The following ZNF516 variants were observed in gnomAD, a reference collection of about 807,000 sequenced individuals.
ZNF516 encodes zinc finger protein 516.
Under a neutral mutation model 79.7 loss-of-function variants are expected in ZNF516, and 19 were observed. The ratio of observed to expected loss-of-function variants is 0.24; its 90% CI spans 0.17 to 0.35. The LOEUF is 0.35. ZNF516 is among the 10% of genes least tolerant of loss of function. ZNF516 has a pLI of 1.00. For synonymous variants in ZNF516, 877 were observed against 739.5 expected (o/e 1.19, Z -3.02); for missense variants, 1,678 against 1,679.5 (o/e 1.00, Z 0.02).
At chr18:76,484,378 TG>T (rs1914707598) in intron 1 of ZNF516, among the ~76,000 whole-genome samples, 1 of 152,082 alleles carries the variant, frequency 6.6e-6, no homozygotes, top group South Asian at 2.1e-4. Context: ...ATACAAATAA[TG>T]TAAGTTTACA....
rs142342730 is a variant in ZNF516, at chr18:76,468,774, C to T, written c.-271-5633G>A. Among the ~76,000 whole-genome samples the T allele has an allele frequency of 7.4e-4, 113 of 152,122 alleles. 2 individuals are homozygous for T. The East Asian group carries it at 0.01, about 14-fold the overall frequency. On this transcript the variant is annotated intron_variant, in intron 1 of 6. Transcript: ENST00000443185. ...ACAGTTCCTCTTCTTCCAATGTGGC[C>T]GAGGGAAGCCAAAAAATTGACACCC...
In ZNF516 at chr18:76,379,457, C is replaced by T. The variant is rs768938570; in HGVS notation, c.2657G>A (p.Arg886Gln). 36 of 1,613,338 alleles carry T rather than the reference C, an allele frequency of 2.2e-5. No individual in the cohort carries two copies. Among genetic ancestry groups the T allele is most frequent in the South Asian group, 1.1e-4 (10 of 91,082 alleles). The change falls in exon 4 of 7, where the codon CGA becomes CAA. Residue 886 changes from arginine (R) to glutamine (Q), a missense_variant. Transcript: ENST00000443185. ...CTGGCCGTGACAAGGTTTGGTCTGT[C>T]GATACCCGTCAGGGCCGGGCGCCCA... ...ALWAPGPDGY[R>Q]QTKPCHGQEP...
At chr18:76,491,451 G>T (rs1449623790) in intron 1 of ZNF516, among the ~76,000 whole-genome samples, 1 of 123,102 alleles carries the variant, frequency 8.1e-6, no homozygotes, top group African/African-American at 3.0e-5. Flanking sequence ...ACAGACCCCC[G>T]CCTTTGTTAT....
intron 3 of ZNF516, among the ~76,000 whole-genome samples, chr18:76,404,463 T>C (rs1177964768): frequency 2.6e-5 from 4 of 151,152 alleles, no homozygotes; most frequent in South Asian, 2.1e-4. Context: ...GTGAGCAAGT[T>C]TGTGTTTGTG....
chr18:76,419,979 G>A (rs2075484996), intron 3 of ZNF516, among the ~76,000 whole-genome samples: 1 of 152,262 alleles, frequency 6.6e-6, no homozygotes, highest in Non-Finnish European at 1.5e-5. Flanking sequence ...GCGAGAGGCA[G>A]CCCTGGTATT....
At chr18:76,468,340 C>T (rs1015075272) in intron 1 of ZNF516, among the ~76,000 whole-genome samples, 5 of 151,978 alleles carry the variant, frequency 3.3e-5, no homozygotes, top group African/African-American at 1.2e-4. Flanking sequence ...CAGCCCAACA[C>T]AAATTCATAA....
At chr18:76,488,615 G>C (rs1914975728) in intron 1 of ZNF516, among the ~76,000 whole-genome samples, 1 of 152,162 alleles carries the variant, frequency 6.6e-6, no homozygotes, top group Non-Finnish European at 1.5e-5. Flanking sequence ...GCACTAAAAT[G>C]TATAAACATT....
At chr18:76,374,038 G>A (rs1305441133) in intron 4 of ZNF516, among the ~76,000 whole-genome samples, 2 of 152,204 alleles carry the variant, frequency 1.3e-5, no homozygotes, top group Admixed American at 6.5e-5. Context: ...GCTACGTTGC[G>A]TGTCATTATG....
At chr18:76,489,727 TCAA>T (rs889680708) in intron 1 of ZNF516, among the ~76,000 whole-genome samples, 1 of 152,184 alleles carries the variant, frequency 6.6e-6, no homozygotes, top group African/African-American at 2.4e-5. Flanking sequence ...TCTCAGGGTG[TCAA>T]CAATTCATAG....
rs967103400 is a variant in ZNF516 at position 76,403,369 on chromosome 18, C to T, written c.1811-23066G>A. Among the ~76,000 whole-genome samples the T allele has an allele frequency of 2.6e-5, 4 of 152,192 alleles. No individual in the cohort carries two copies. The South Asian group carries it at 6.2e-4, about 24-fold the overall frequency. On this transcript the variant is annotated intron_variant, in intron 3 of 6. Coordinates refer to ENST00000443185, the MANE Select transcript of ZNF516 (RefSeq NM_014643.4). ...ACGCACACCAACACAGGTACACATACAAAGCACAAGCATGTGGTCATGCAT... is the reference window on the plus strand; with the variant it reads ...ACGCACACCAACACAGGTACACATATAAAGCACAAGCATGTGGTCATGCAT...
At chr18:76,440,817 A>C (rs556453047) in intron 3 of ZNF516, among the ~76,000 whole-genome samples, 156 of 152,160 alleles carry the variant, frequency 1.0e-3, no homozygotes, top group African/African-American at 3.6e-3. Flanking sequence ...CAGAAAAAGA[A>C]GGGGGTGAAT....
At chr18:76,444,017 C>A (rs1275424638) in intron 2 of ZNF516, among the ~76,000 whole-genome samples, 2 of 152,208 alleles carry the variant, frequency 1.3e-5, no homozygotes, top group African/African-American at 4.8e-5. Flanking sequence ...TAGCTGTGTC[C>A]AGCACGGAAC....
At chr18:76,480,307 T>A (rs1345344706) in intron 1 of ZNF516, among the ~76,000 whole-genome samples, 7 of 152,258 alleles carry the variant, frequency 4.6e-5, no homozygotes, top group Non-Finnish European at 8.8e-5. Context: ...TACCTCTCGA[T>A]GTGATCACTA....
chr18:76,482,291 G>A lies in ZNF516; in HGVS notation c.-272+12853C>T, dbSNP rs980697083. 1.9e-4 allele frequency among the ~76,000 whole-genome samples: 29 copies of A among 152,116 alleles called. 1 individual carries two copies. The highest frequency in any genetic ancestry group is 1.4e-3 in the Admixed American group (21 of 15,274). ...ATGTGATCCAGCTTTTCCCTTCATC[G>A]CGACCTATTATTCCATTGCCCGTTC... On this transcript the variant is annotated intron_variant, in intron 1 of 6. Transcript: ENST00000443185.
intron 3 of ZNF516, among the ~76,000 whole-genome samples, chr18:76,433,855 C>G (rs2075695114): frequency 6.6e-6 from 1 of 152,200 alleles, no homozygotes; most frequent in African/African-American, 2.4e-5. Context: ...CTAGAATCTC[C>G]CAAAAAGCTC....
chr18:76,400,755 A>G lies in ZNF516; in HGVS notation c.1811-20452T>C, dbSNP rs147958858. On this transcript the variant is annotated intron_variant, in intron 3 of 6. Transcript: ENST00000443185. ...TACAGCTCCCACATGCAGAGTTCAA[A>G]CTATTATGTAATATAAATATTGAGT... 1.8e-3 allele frequency among the ~76,000 whole-genome samples: 267 copies of G among 152,346 alleles called. 1 individual carries two copies. The highest frequency in any genetic ancestry group is 6.1e-3 in the African/African-American group (253 of 41,574).
Position 76,410,780 on chromosome 18 carries a change from C to G in ZNF516, c.1810+30465G>C, listed in dbSNP as rs573752672. 5.9e-5 allele frequency among the ~76,000 whole-genome samples: 9 copies of G among 152,282 alleles called. No homozygotes were observed. The East Asian group carries it at 1.7e-3, about 29-fold the overall frequency. ...GGATTCTTCCTCACCTCCTAGTGTT[C>G]ACCATGCAGCCACAACACGCAACAC... On this transcript the variant is annotated intron_variant, in intron 3 of 6. Transcript: ENST00000443185.
At chr18:76,404,828 T>A (rs1223544254) in intron 3 of ZNF516, among the ~76,000 whole-genome samples, 1 of 137,384 alleles carries the variant, frequency 7.3e-6, no homozygotes, top group Admixed American at 7.3e-5. Context: ...CGAGTTTGCA[T>A]GTGTATCACT....
chr18:76,431,634 G>A (rs1428212706), intron 3 of ZNF516, among the ~76,000 whole-genome samples: 1 of 152,218 alleles, frequency 6.6e-6, no homozygotes, highest in Non-Finnish European at 1.5e-5. Context: ...CAACGAGTGA[G>A]TTCTCGCTGA....
Sources: gnomAD v4.1 joint callset for allele counts (sites outside exome capture counted in the v4.1 genomes callset) on GRCh38, gnomAD v4.1.1 for gene constraint, MANE v1.5 for transcripts, NCBI Gene and HGNC (gene_info 2026-07-23, HGNC 2026-07-21) for gene names.